MANEAL: variants seen among roughly 807,000 people sequenced by gnomAD.
MANEAL encodes mannosidase endo-alpha like, also known as glycoprotein endo-alpha-1,2-mannosidase-like protein.
MANEAL carries 28 observed loss-of-function variants against 35.9 expected under a neutral mutation model. The observed-to-expected ratio is 0.78, with a 90% CI of 0.58 to 1.07. The LOEUF is 1.07. Ranked by LOEUF, MANEAL falls within the 50% of genes least tolerant of loss-of-function variation. MANEAL has a pLI of 0.00. For synonymous variants in MANEAL, 286 were observed against 272.2 expected (o/e 1.05, Z -0.50); for missense variants, 576 against 629.6 (o/e 0.91, Z 0.91).
In MANEAL at chr1:37,800,320, T is replaced by TGG; in HGVS notation, c.*119_*120dup. 8.1e-7 allele frequency: 1 copy of TGG among 1,229,698 alleles called. No individual in the cohort carries two copies. Among genetic ancestry groups the TGG allele is most frequent in the Non-Finnish European group, 1.1e-6 (1 of 890,742 alleles). 76.2% of individuals were successfully genotyped at this position (1,229,698 alleles called of 1,614,324 possible). ...CGTTCCCAGGTCAGAGGTCAGCAGA[T>TGG]GGGTGTTTCTGGGTGGGCCGTCAGG... On this transcript the variant is annotated 3_prime_UTR_variant, in exon 4 of 4. Coordinates refer to ENST00000373045, the MANE Select transcript of MANEAL (RefSeq NM_001113482.2).
chr1:37,795,758 A>AC lies in MANEAL; in HGVS notation c.575dup (p.Pro193ThrfsTer5). On this transcript the variant is annotated frameshift_variant, in exon 2 of 4. Transcript: ENST00000373045. LOFTEE classifies it high-confidence loss of function. ...TCAGGCGTCCTGGTCCTGTCCTGGT[A>AC]CCCACCTGGCATGGCTGATGATAAC... 6.2e-7 allele frequency: 1 copy of AC among 1,614,082 alleles called. No homozygotes were observed. The highest frequency in any genetic ancestry group is 8.5e-7 in the Non-Finnish European group (1 of 1,180,002).
At position 37,796,748 on chromosome 1, in the gene MANEAL, C is replaced by A; in HGVS notation, c.665C>A (p.Ala222Asp). The A allele has an allele frequency of 6.3e-7, 1 of 1,586,154 alleles. No homozygotes were observed. The highest frequency in any genetic ancestry group is 8.6e-7 in the Non-Finnish European group (1 of 1,167,630). The part of the protein sequence containing the change: ...DTAHQYSIQV[A>D]FHIQPYKGRD... Reference sequence around the variant, plus strand: ...TTACTCCTCTGTTTGTGGCAGGTGGCCTTCCACATCCAACCCTACAAGGGC... The same window carrying A: ...TTACTCCTCTGTTTGTGGCAGGTGGACTTCCACATCCAACCCTACAAGGGC... Residue 222 changes from alanine (A) to aspartate (D), a missense_variant, in exon 3 of 4, where the codon GCC (alanine) becomes GAC (aspartate). Transcript: ENST00000373045.
At chr1:37,796,690 G>A in intron 2 of MANEAL, 54 bp from the exon 3 acceptor site, 2 of 1,495,134 alleles carry the variant, frequency 1.3e-6, no homozygotes, top group South Asian at 1.2e-5. Context: ...AGCCTGATAT[G>A]TTGTGGCCCC....
Position 37,800,227 on chromosome 1 carries a change from T to C in MANEAL, c.*24T>C, listed in dbSNP as rs1219247766. ...GAGGGGCCTGTAAATGGGCGTGAGG[T>C]GCTGATGTCCTTGCCTTGCTGGAAG... On this transcript the variant is annotated 3_prime_UTR_variant, in exon 4 of 4. Transcript: ENST00000373045. The C allele has an allele frequency of 1.2e-6, 2 of 1,604,702 alleles. No homozygotes were observed. The highest frequency in any genetic ancestry group is 3.3e-5 in the Admixed American group (2 of 59,764).
Position 37,799,985 on chromosome 1 carries a change from A to T in MANEAL, c.1156A>T (p.Thr386Ser), listed in dbSNP as rs778308287. The T allele has an allele frequency of 1.2e-6, 2 of 1,614,210 alleles. No homozygotes were observed. The highest frequency in any genetic ancestry group is 3.3e-5 in the Admixed American group (2 of 60,026). ...RNRVNGKYYETALQAALTVRP... is the reference protein window; with the variant it reads ...RNRVNGKYYESALQAALTVRP... ...CAGGGTCAATGGCAAGTACTATGAGACGGCCCTGCAGGCGGCCCTGACAGT... is the reference window on the plus strand; with the variant it reads ...CAGGGTCAATGGCAAGTACTATGAGTCGGCCCTGCAGGCGGCCCTGACAGT... Residue 386 changes from threonine (T) to serine (S), a missense_variant, in exon 4 of 4, where the codon ACG becomes TCG. Thr to Ser is a moderately conservative substitution (Grantham distance 58). This residue lies in a region of MANEAL where 449 missense variants were observed against 516.1 expected (regional missense o/e 0.87). Coordinates refer to ENST00000373045, the MANE Select transcript of MANEAL (RefSeq NM_001113482.2). This position sits in a 1 kb window ranked among gnomAD's most constrained non-coding sequence, Gnocchi z 4.1.
chr1:37,798,150 TA>T (rs368612702), intron 3 of MANEAL, among the ~76,000 whole-genome samples: 1,599 of 150,602 alleles, frequency 0.011, 31 homozygotes, highest in African/African-American at 0.037. Flanking sequence ...TTCTGTCTCT[TA>T]AAAAAACAAA....
In MANEAL at chr1:37,794,101, T is replaced by C; in HGVS notation, c.-82T>C. On this transcript the variant is annotated 5_prime_UTR_variant, in exon 1 of 4. Coordinates refer to ENST00000373045, the MANE Select transcript of MANEAL (RefSeq NM_001113482.2). This position sits in a 1 kb window ranked among gnomAD's most constrained non-coding sequence, Gnocchi z 5.7. ...CGCTCTGCCGGGCGCACAGTCTGCC[T>C]GGGAAGCGCGCGGCCGGGCGGGCGG... 2 of 992,558 alleles carry C rather than the reference T, an allele frequency of 2.0e-6. No individual in the cohort carries two copies. The highest frequency in any genetic ancestry group is 2.4e-6 in the Non-Finnish European group (2 of 817,310). 61.5% of individuals were successfully genotyped at this position (992,558 alleles called of 1,614,324 possible).
At chr1:37,795,985 G>T in intron 2 of MANEAL, 139 bp downstream of exon 2, 1 of 692,648 alleles carries the variant, frequency 1.4e-6, no homozygotes, top group Non-Finnish European at 2.4e-6. Flanking sequence ...GTGTGGTTTT[G>T]GGGGAGGGTT....
In MANEAL at chr1:37,794,726, G is replaced by T. The variant is rs13374458; in HGVS notation, c.544G>T (p.Ala182Ser). The change falls in exon 1 of 4, where the codon GCC (alanine) becomes TCC (serine). Residue 182 changes from alanine to serine, a missense_variant. Physicochemically the swap from Ala to Ser is moderately conservative, Grantham distance 99. Around this residue, in one of 3 missense-constraint regions of MANEAL, gnomAD observed 449 missense variants for 516.1 expected, o/e 0.87. Coordinates refer to ENST00000373045, the MANE Select transcript of MANEAL (RefSeq NM_001113482.2). The surrounding 1 kb of genome is among the most constrained non-coding windows in gnomAD (Gnocchi z 5.7). ...GCATATGACCCAGCTCAAGGAAGCCGCCATCGGTGAGCGCCCCCCACCCCG... is the reference window on the plus strand; with the variant it reads ...GCATATGACCCAGCTCAAGGAAGCCTCCATCGGTGAGCGCCCCCCACCCCG... Reference protein sequence around the residue: ...REHMTQLKEAAIGVLVLSWYP... With the variant: ...REHMTQLKEASIGVLVLSWYP... 7.4e-5 allele frequency: 115 copies of T among 1,562,476 alleles called. No individual in the cohort carries two copies. In the African/African-American group the frequency reaches 1.5e-3, roughly 20 times the overall value.
chr1:37,795,806 T>C lies in MANEAL; in HGVS notation c.620T>C (p.Val207Ala). 1.2e-6 allele frequency: 2 copies of C among 1,614,132 alleles called. No individual in the cohort carries two copies. Among genetic ancestry groups the C allele is most frequent in the South Asian group, 2.2e-5 (2 of 91,080 alleles). The change falls in exon 2 of 4, where the codon GTG becomes GCG. Residue 207 changes from valine to alanine, a missense_variant. Val to Ala is a moderately conservative substitution (Grantham distance 64). Coordinates refer to ENST00000373045, the MANE Select transcript of MANEAL (RefSeq NM_001113482.2). Reference sequence around the variant, plus strand: ...AACGGGGAGCCCTCAGATGACCTGGTGCCCGCCATTCTGGACACCGCCCAT... The same window carrying C: ...AACGGGGAGCCCTCAGATGACCTGGCGCCCGCCATTCTGGACACCGCCCAT... ...DDNGEPSDDLVPAILDTAHQY... is the reference protein window; with the variant it reads ...DDNGEPSDDLAPAILDTAHQY...
chr1:37,800,353 C>A lies in MANEAL; in HGVS notation c.*150C>A. 1.1e-6 allele frequency: 1 copy of A among 883,154 alleles called. No individual in the cohort carries two copies. Among genetic ancestry groups the A allele is most frequent in the Non-Finnish European group, 1.7e-6 (1 of 588,250 alleles). The allele number at this position is 883,154 out of a possible 1,614,324, so 54.7% of individuals were successfully genotyped here. ...TCTGGGTGGGCCGTCAGGCATGGGCCTGTGCAACACAGAGCCCGTTCCTCA... is the reference window on the plus strand; with the variant it reads ...TCTGGGTGGGCCGTCAGGCATGGGCATGTGCAACACAGAGCCCGTTCCTCA... On this transcript the variant is annotated 3_prime_UTR_variant, in exon 4 of 4. Transcript: ENST00000373045.
chr1:37,798,229 A>G (rs1023199428), intron 3 of MANEAL, among the ~76,000 whole-genome samples: 4 of 152,142 alleles, frequency 2.6e-5, no homozygotes, highest in African/African-American at 7.2e-5. Context: ...TTGTACAGTA[A>G]TGGGTAGGAC....
intron 3 of MANEAL, among the ~76,000 whole-genome samples, chr1:37,798,341 C>T (rs1227292169): frequency 6.6e-6 from 1 of 152,162 alleles, no homozygotes; most frequent in African/African-American, 2.4e-5. Flanking sequence ...GTGATCTGTA[C>T]AGGATTTTGT....
At position 37,796,821 on chromosome 1, in the gene MANEAL, G is replaced by C; in HGVS notation, c.737+1G>C. 6.2e-7 allele frequency: 1 copy of C among 1,608,658 alleles called. No homozygotes were observed. Among genetic ancestry groups the C allele is most frequent in the Non-Finnish European group, 8.5e-7 (1 of 1,177,430 alleles). On this transcript the variant is annotated splice_donor_variant, in intron 3 of 3. Transcript: ENST00000373045. LOFTEE classifies it high-confidence loss of function. ...ACAACATCAAGTACATCATTGACAC[G>C]TAAGGCTGCTCTGGGGGCCGGGATT... is the stretch of plus-strand genomic sequence containing the variant.
chr1:37,794,509 C>T lies in MANEAL; in HGVS notation c.327C>T (p.Tyr109=). 1 of 1,609,996 alleles carries T rather than the reference C, an allele frequency of 6.2e-7. No individual in the cohort carries two copies. The highest frequency in any genetic ancestry group is 1.1e-5 in the South Asian group (1 of 90,512). Residue 109 remains tyrosine (Y), a synonymous_variant, in exon 1 of 4, where the codon TAC becomes TAT. Coordinates refer to ENST00000373045, the MANE Select transcript of MANEAL (RefSeq NM_001113482.2). The surrounding 1 kb of genome is among the most constrained non-coding windows in gnomAD (Gnocchi z 5.7). The part of the protein sequence containing the change: ...LRVYSDLHAF[Y]YSWYGSPRRE... ...TCTACTCGGACCTGCACGCCTTCTA[C>T]TACTCGTGGTACGGGAGCCCGCGGC...
Position 37,795,900 on chromosome 1 carries a change from C to T in MANEAL, c.660+54C>T, listed in dbSNP as rs375097931. The stretch of plus-strand genomic sequence containing the variant: ...CTCTGCCCTATTCTGGAGAGTTGCT[C>T]TCCTCCGCCCACAGGGTTAGTGCCT... On this transcript the variant is annotated intron_variant, in intron 2 of 3. Transcript: ENST00000373045. 1.1e-5 allele frequency: 16 copies of T among 1,502,322 alleles called. No homozygotes were observed. In the African/African-American group the frequency reaches 1.4e-4, roughly 13 times the overall value. 93.1% of individuals were successfully genotyped at this position (1,502,322 alleles called of 1,614,324 possible).
intron 2 of MANEAL, among the ~76,000 whole-genome samples, chr1:37,796,047 G>A: frequency 6.6e-6 from 1 of 152,190 alleles, no homozygotes; most frequent in East Asian, 1.9e-4. Context: ...TAAGAAAACT[G>A]AGAAAACTAA....
Position 37,794,537 on chromosome 1 carries a change from G to A in MANEAL, c.355G>A (p.Glu119Lys), listed in dbSNP as rs766952677. The A allele has an allele frequency of 3.1e-6, 5 of 1,611,728 alleles. No homozygotes were observed. The highest frequency in any genetic ancestry group is 4.2e-6 in the Non-Finnish European group (5 of 1,179,604). The change falls in exon 1 of 4, where the codon GAG (glutamate) becomes AAG (lysine). Residue 119 changes from glutamate to lysine, a missense_variant. Transcript: ENST00000373045. The surrounding 1 kb of genome is among the most constrained non-coding windows in gnomAD (Gnocchi z 5.7). The part of the protein sequence containing the change: ...YYSWYGSPRR[E>K]GHYIHWDHVM... ...CTCGTGGTACGGGAGCCCGCGGCGCGAGGGCCACTACATTCACTGGGACCA... is the reference window on the plus strand; with the variant it reads ...CTCGTGGTACGGGAGCCCGCGGCGCAAGGGCCACTACATTCACTGGGACCA...
chr1:37,794,563 C>G lies in MANEAL; in HGVS notation c.381C>G (p.His127Gln). ...RREGHYIHWD[H>Q]VMVPHWDPKI... ...AGGGCCACTACATTCACTGGGACCA[C>G]GTCATGGTGCCGCACTGGGACCCCA... The change falls in exon 1 of 4, where the codon CAC becomes CAG. Residue 127 changes from histidine to glutamine, a missense_variant. His to Gln is a conservative substitution (Grantham distance 24). This residue lies in a region of MANEAL where 449 missense variants were observed against 516.1 expected (regional missense o/e 0.87). Coordinates refer to ENST00000373045, the MANE Select transcript of MANEAL (RefSeq NM_001113482.2). This position sits in a 1 kb window ranked among gnomAD's most constrained non-coding sequence, Gnocchi z 5.7. 1 of 1,611,966 alleles carries G rather than the reference C, an allele frequency of 6.2e-7. No homozygotes were observed. The highest frequency in any genetic ancestry group is 8.5e-7 in the Non-Finnish European group (1 of 1,179,646).
Sources: allele counts gnomAD v4.1 joint callset (sites outside exome capture counted in the v4.1 genomes callset), GRCh38; gene constraint gnomAD v4.1.1; regional missense constraint gnomAD v4.1.1; non-coding constraint Gnocchi (gnomAD v3.1); transcripts MANE v1.5; gene names NCBI Gene and HGNC (gene_info 2026-07-23, HGNC 2026-07-21).